Variants in CALN1 observed in about 807,000 individuals in gnomAD.
CALN1 encodes calneuron 1.
A neutral mutation model predicts 30.6 loss-of-function variants in CALN1; 17 were observed. The observed-to-expected ratio is 0.56, with a 90% CI of 0.38 to 0.83. The LOEUF (loss-of-function observed/expected upper bound fraction) is 0.83. CALN1 is among the 40% of genes least tolerant of loss of function. The pLI is 0.00. For missense variants in CALN1, 291 were observed against 354.9 expected (o/e 0.82, Z 1.45); for synonymous variants, 156 against 131.4 (o/e 1.19, Z -1.28).
chr7:71,988,480 A>G (rs914476194), intron 5 of CALN1, among the ~76,000 whole-genome samples: 2 of 152,134 alleles, frequency 1.3e-5, no homozygotes, highest in African/African-American at 4.8e-5. Context: ...AGACTCAGAG[A>G]GCATACTTGT....
At chr7:72,348,568 CAGTT>C (rs1304320598) in intron 2 of CALN1, among the ~76,000 whole-genome samples, 3 of 152,198 alleles carry the variant, frequency 2.0e-5, no homozygotes, top group Non-Finnish European at 4.4e-5. Context: ...AGGCAGAGAA[CAGTT>C]AGTGGAGAGT....
chr7:72,377,033 T>C (rs575116651), intron 2 of CALN1, among the ~76,000 whole-genome samples: 1 of 152,252 alleles, frequency 6.6e-6, no homozygotes. Flanking sequence ...CTCTCAATTC[T>C]ATTCCATGGC....
chr7:72,391,765 A>G (rs1585644156), intron 2 of CALN1, among the ~76,000 whole-genome samples: 1 of 151,716 alleles, frequency 6.6e-6, no homozygotes, highest in Non-Finnish European at 1.5e-5. Flanking sequence ...CATGCCTTTC[A>G]CCTTCTGCCA....
At chr7:71,954,182 A>G (rs1399002591) in intron 5 of CALN1, among the ~76,000 whole-genome samples, 1 of 152,050 alleles carries the variant, frequency 6.6e-6, no homozygotes, top group African/African-American at 2.4e-5. Context: ...AAATGGGGCC[A>G]AGCACTGTGG....
At chr7:71,868,471 A>G (rs1791724795) in intron 5 of CALN1, among the ~76,000 whole-genome samples, 1 of 151,032 alleles carries the variant, frequency 6.6e-6, no homozygotes, top group Non-Finnish European at 1.5e-5. Context: ...TCCTGGGTTC[A>G]AGCAATTCTC....
At chr7:72,142,929 GA>G (rs1468483168) in intron 3 of CALN1, among the ~76,000 whole-genome samples, 3 of 152,168 alleles carry the variant, frequency 2.0e-5, no homozygotes, top group Non-Finnish European at 1.5e-5. Flanking sequence ...CTCTCAGAAG[GA>G]AAACTAACAA....
intron 5 of CALN1, among the ~76,000 whole-genome samples, chr7:71,919,563 G>C (rs1794834831): frequency 6.6e-6 from 1 of 152,198 alleles, no homozygotes; most frequent in Non-Finnish European, 1.5e-5. Context: ...AATTTTAAGT[G>C]ATAGTAGCTA....
intron 2 of CALN1, among the ~76,000 whole-genome samples, chr7:72,283,536 T>C (rs1320639560): frequency 6.6e-6 from 1 of 151,990 alleles, no homozygotes; most frequent in African/African-American, 2.4e-5. Context: ...CTCTTGACTC[T>C]AAAAAGATAA....
intron 6 of CALN1, among the ~76,000 whole-genome samples, chr7:71,791,394 T>C (rs1271392371): frequency 2.0e-5 from 3 of 152,158 alleles, no homozygotes; most frequent in Non-Finnish European, 4.4e-5. Flanking sequence ...TTCTACATCC[T>C]TTACAGGAAC....
intron 3 of CALN1, among the ~76,000 whole-genome samples, chr7:72,116,629 C>T (rs2129541908): frequency 6.6e-6 from 1 of 152,246 alleles, no homozygotes; most frequent in South Asian, 2.1e-4. Context: ...AGCCATACCT[C>T]CAAGTTAGCT....
chr7:71,882,689 A>C (rs952546164), intron 5 of CALN1, among the ~76,000 whole-genome samples: 3 of 151,992 alleles, frequency 2.0e-5, no homozygotes, highest in Admixed American at 1.3e-4. Context: ...TAAAAAAAAA[A>C]ACAACTTTTT....
intron 2 of CALN1, among the ~76,000 whole-genome samples, chr7:72,323,130 C>T (rs1801012328): frequency 6.6e-6 from 1 of 151,780 alleles, no homozygotes; most frequent in African/African-American, 2.4e-5. Flanking sequence ...AAGTTTCATC[C>T]TGACAACTGG....
At chr7:72,439,320 C>T (rs1808273519) in intron 1 of CALN1, among the ~76,000 whole-genome samples, 1 of 152,218 alleles carries the variant, frequency 6.6e-6, no homozygotes, top group African/African-American at 2.4e-5. Flanking sequence ...GCATGAGCCA[C>T]TATGCCCAGT....
At chr7:72,433,572 C>G (rs987491976) in intron 1 of CALN1, among the ~76,000 whole-genome samples, 1 of 152,014 alleles carries the variant, frequency 6.6e-6, no homozygotes, top group East Asian at 1.9e-4. Context: ...GAGAAACACC[C>G]GAGCACAGTG....
chr7:72,325,377 G>A (rs1801197630), intron 2 of CALN1, among the ~76,000 whole-genome samples: 1 of 151,834 alleles, frequency 6.6e-6, no homozygotes, highest in Non-Finnish European at 1.5e-5. Context: ...AAGGTGGGTG[G>A]ATCACCTGAG....
intron 5 of CALN1, among the ~76,000 whole-genome samples, chr7:71,879,368 T>G (rs1342230309): frequency 6.6e-6 from 1 of 152,306 alleles, no homozygotes; most frequent in Non-Finnish European, 1.5e-5. Flanking sequence ...AAGATAAGCC[T>G]ACTTACATCT....
the CALN1 span, among the ~76,000 whole-genome samples, chr7:72,459,821 C>T: frequency 6.6e-6 from 1 of 152,158 alleles, no homozygotes; most frequent in East Asian, 1.9e-4. Context: ...ACTAAGCCAC[C>T]AGCTTCCGAT....
At chr7:72,150,333 C>T (rs1372139845) in intron 3 of CALN1, among the ~76,000 whole-genome samples, 3 of 152,048 alleles carry the variant, frequency 2.0e-5, no homozygotes, top group Non-Finnish European at 4.4e-5. Context: ...GGATCCAGTG[C>T]CTGGGATAGA....
intron 5 of CALN1, among the ~76,000 whole-genome samples, chr7:71,816,161 C>T (rs1268895224): frequency 6.6e-6 from 1 of 151,958 alleles, no homozygotes; most frequent in Non-Finnish European, 1.5e-5. Flanking sequence ...TTTAACTGTG[C>T]ACCTCTGTTC....
Sources: allele counts gnomAD v4.1 joint callset (sites outside exome capture counted in the v4.1 genomes callset), GRCh38; gene constraint gnomAD v4.1.1; transcripts MANE v1.5; gene names NCBI Gene and HGNC (gene_info 2026-07-23, HGNC 2026-07-21).